Variants in SLC16A10 observed in about 807,000 individuals in gnomAD.
The protein encoded by SLC16A10 is solute carrier family 16 member 10.
Under a neutral mutation model 40.0 loss-of-function variants are expected in SLC16A10, and 27 were observed. The observed-to-expected ratio is 0.67, with a 90% confidence interval of 0.50 to 0.93. The LOEUF (loss-of-function observed/expected upper bound fraction) is 0.93. Ranked by LOEUF, SLC16A10 falls within the 40% of genes least tolerant of loss-of-function variation. The probability of loss-of-function intolerance (pLI) is 0.00; values close to 1 mark genes in which losing one functional copy is unlikely to be tolerated. For synonymous variants in SLC16A10, 213 were observed against 249.8 expected, an observed-to-expected ratio of 0.85 and a Z score of 1.39; for missense variants, 529 against 658.2, an observed-to-expected ratio of 0.80 and a Z score of 2.15.
At chr6:111,104,994 AT>A (rs1771258024) in intron 1 of SLC16A10, among the ~76,000 whole-genome samples, 1 of 151,690 alleles carries the variant, frequency 6.6e-6, no homozygotes, top group South Asian at 2.1e-4. Flanking sequence ...TCAAAATTAT[AT>A]TTTTACTATC....
chr6:111,139,984 A>T (rs1022021212), intron 1 of SLC16A10, among the ~76,000 whole-genome samples: 3 of 152,210 alleles, frequency 2.0e-5, no homozygotes, highest in Non-Finnish European at 2.9e-5. Flanking sequence ...AAAGAAGGAA[A>T]CAGACACTGG....
chr6:111,177,135 T>C (rs2114547710), intron 2 of SLC16A10, 77 bp from the exon 3 acceptor site: 3 of 1,032,096 alleles, frequency 2.9e-6, no homozygotes, highest in South Asian at 3.6e-5. Context: ...AACCCACTTA[T>C]ACTATAAGAT....
chr6:111,170,090 G>A (rs1268241141), intron 1 of SLC16A10, among the ~76,000 whole-genome samples: 1 of 151,726 alleles, frequency 6.6e-6, no homozygotes, highest in Admixed American at 6.6e-5. Flanking sequence ...GCTAATTTTT[G>A]TATTTTTAGT....
chr6:111,163,938 A>T (rs545881724), intron 1 of SLC16A10, among the ~76,000 whole-genome samples: 1 of 152,196 alleles, frequency 6.6e-6, no homozygotes, highest in Non-Finnish European at 1.5e-5. Flanking sequence ...ATTCTGTCCA[A>T]TCTTAACCAG....
intron 1 of SLC16A10, among the ~76,000 whole-genome samples, chr6:111,092,315 G>GTTTTTTTTT (rs1173275647): frequency 3.0e-5 from 3 of 98,592 alleles, no homozygotes; most frequent in Admixed American, 1.2e-4. Flanking sequence ...TTTTTTTGTT[G>GTTTTTTTTT]TTTTTTTTTT....
At chr6:111,207,828 T>C (rs946789551) in intron 4 of SLC16A10, among the ~76,000 whole-genome samples, 47 of 151,868 alleles carry the variant, frequency 3.1e-4, no homozygotes, top group African/African-American at 1.1e-3. Context: ...AAAGGGAGAA[T>C]AGTGGATGGA....
In SLC16A10 at chr6:111,222,053, G is replaced by A; in HGVS notation, c.1366G>A (p.Gly456Arg). 6.2e-7 allele frequency: 1 copy of A among 1,610,538 alleles called. No homozygotes were observed. The highest frequency in any genetic ancestry group is 1.1e-5 in the South Asian group (1 of 90,196). Residue 456 changes from glycine to arginine, a missense_variant, in exon 6 of 6, where the codon GGA becomes AGA. Physicochemically the swap from Gly to Arg is moderately radical, Grantham distance 125. Coordinates refer to ENST00000368851, the MANE Select transcript of SLC16A10 (RefSeq NM_018593.5). The part of the protein sequence containing the change: ...GSYDVAFYLA[G>R]VPPLIGGAVL... ...CTATGATGTGGCATTCTACCTCGCT[G>A]GAGTCCCTCCCCTTATTGGAGGTGC...
intron 3 of SLC16A10, among the ~76,000 whole-genome samples, chr6:111,185,804 C>T (rs961335037): frequency 2.6e-5 from 4 of 151,934 alleles, no homozygotes; most frequent in Admixed American, 6.6e-5. Flanking sequence ...ATAAACGCTC[C>T]GAGGCCACTG....
In SLC16A10 at chr6:111,230,582, T is replaced by G. The variant is rs902465566; in HGVS notation, c.*8347T>G. The G allele has an allele frequency of 6.6e-6, 1 of 152,220 alleles. No homozygotes were observed. Among genetic ancestry groups the G allele is most frequent in the African/African-American group, 2.4e-5 (1 of 41,460 alleles). The allele number at this position is 152,220 out of a possible 1,614,324, so 9.4% of individuals were successfully genotyped here. A position where few individuals can be genotyped will look rare whatever the true frequency, so the allele number is the denominator to read the frequency against. On this transcript the variant is annotated 3_prime_UTR_variant, in exon 6 of 6. Coordinates refer to ENST00000368851, the MANE Select transcript of SLC16A10 (RefSeq NM_018593.5). ...ATGTAACTTAATGTGGTTTGAGATGTGTAAGATTGTAGAGGCATTGCACAA... is the reference window on the plus strand; with the variant it reads ...ATGTAACTTAATGTGGTTTGAGATGGGTAAGATTGTAGAGGCATTGCACAA...
At chr6:111,169,727 G>C (rs975189137) in intron 1 of SLC16A10, among the ~76,000 whole-genome samples, 5 of 152,150 alleles carry the variant, frequency 3.3e-5, no homozygotes, top group African/African-American at 1.2e-4. Context: ...AGTGTCAAGG[G>C]AAAATTTTTC....
chr6:111,172,813 T>G lies in SLC16A10; in HGVS notation c.462T>G (p.Val154=). The G allele has an allele frequency of 6.2e-7, 1 of 1,614,140 alleles. No individual in the cohort carries two copies. The highest frequency in any genetic ancestry group is 1.3e-5 in the African/African-American group (1 of 75,052). ...TAVVGAAVGF[V]GLMSSSFVSS... ...TCGTGGGTGCTGCTGTTGGATTTGT[T>G]GGGCTCATGTCCAGTTCTTTTGTAA... The change falls in exon 2 of 6, where the codon GTT becomes GTG. Residue 154 remains valine (V), a synonymous_variant. Coordinates refer to ENST00000368851, the MANE Select transcript of SLC16A10 (RefSeq NM_018593.5).
chr6:111,125,392 G>T (rs1402263980), intron 1 of SLC16A10, among the ~76,000 whole-genome samples: 2 of 152,092 alleles, frequency 1.3e-5, no homozygotes, highest in African/African-American at 4.8e-5. Context: ...ACCTCCTCAT[G>T]AAATTTCTGG....
chr6:111,132,736 A>G (rs1460002001), intron 1 of SLC16A10, among the ~76,000 whole-genome samples: 3 of 152,226 alleles, frequency 2.0e-5, no homozygotes, highest in South Asian at 2.1e-4. Flanking sequence ...AATCTTAATT[A>G]CCATACAAAG....
At chr6:111,094,633 A>C (rs12212085) in intron 1 of SLC16A10, among the ~76,000 whole-genome samples, 15,595 of 151,762 alleles carry the variant, frequency 0.1, 1,056 homozygotes, top group Middle Eastern at 0.17. Context: ...TCATGCCTTC[A>C]TTTACTTTTT....
chr6:111,100,988 CTCTCTATA>C (rs1369178114), intron 1 of SLC16A10, among the ~76,000 whole-genome samples: 1,419 of 77,512 alleles, frequency 0.018, 5 homozygotes, highest in African/African-American at 0.032. Context: ...CTCTCTCTCT[CTCTCTATA>C]TATATATATA....
At chr6:111,205,718 C>T (rs1204765667) in intron 3 of SLC16A10, among the ~76,000 whole-genome samples, 1 of 152,232 alleles carries the variant, frequency 6.6e-6, no homozygotes, top group African/African-American at 2.4e-5. Context: ...CGCAAGCAGT[C>T]TGCCTCTCCA....
intron 1 of SLC16A10, among the ~76,000 whole-genome samples, chr6:111,170,065 G>A (rs950162977): frequency 3.3e-5 from 5 of 151,336 alleles, no homozygotes; most frequent in Non-Finnish European, 5.9e-5. Flanking sequence ...TTACAGGCAT[G>A]AGCCAACACG....
intron 3 of SLC16A10, among the ~76,000 whole-genome samples, chr6:111,198,959 A>G (rs1016505818): frequency 6.6e-6 from 1 of 152,190 alleles, no homozygotes; most frequent in African/African-American, 2.4e-5. Context: ...AACCACTTTT[A>G]TATCTTCAAA....
intron 1 of SLC16A10, among the ~76,000 whole-genome samples, chr6:111,155,930 C>T (rs1772262396): frequency 6.6e-6 from 1 of 152,126 alleles, no homozygotes; most frequent in Non-Finnish European, 1.5e-5. Flanking sequence ...ACCAGGGCTC[C>T]TTGCAGAAAG....
Sources: gnomAD v4.1 joint callset for allele counts (sites outside exome capture counted in the v4.1 genomes callset) on GRCh38, gnomAD v4.1.1 for gene constraint, MANE v1.5 for transcripts, NCBI Gene and HGNC (gene_info 2026-07-23, HGNC 2026-07-21) for gene names.